AHNAK: variants seen among roughly 807,000 people sequenced by gnomAD.
AHNAK encodes neuroblast differentiation-associated protein AHNAK.
AHNAK carries 23 observed loss-of-function variants against 37.8 expected under a neutral mutation model. The observed-to-expected ratio is 0.61, with a 90% confidence interval of 0.44 to 0.86. The LOEUF (loss-of-function observed/expected upper bound fraction) is 0.86. Ranked by LOEUF, AHNAK falls within the 40% of genes least tolerant of loss-of-function variation. The pLI is 0.00. For synonymous variants in AHNAK, 2,481 were observed against 2,636.3 expected (o/e 0.94, Z 1.80); for missense variants, 7,411 against 7,319.4 (o/e 1.01, Z -0.46).
rs1253028896 is a variant in AHNAK, at chr11:62,525,784, A to G, written c.8633T>C (p.Ile2878Thr). 1 of 1,613,424 alleles carries G rather than the reference A, an allele frequency of 6.2e-7. No individual in the cohort carries two copies. The highest frequency in any genetic ancestry group is 2.2e-5 in the East Asian group (1 of 44,828). Residue 2878 changes from isoleucine (I) to threonine (T), a missense_variant, in exon 5 of 5, where the codon ATT becomes ACT. Transcript: ENST00000378024. ...CTGAACATTAACATCTGGGACATCA[A>G]TGTCCACTTTGGGGCCTTTGAGGTC... The part of the protein sequence containing the change: ...EVDLKGPKVD[I>T]DVPDVNVQGP...
At chr11:62,455,715 A>C (rs1459266077) in intron 5 of AHNAK, among the ~76,000 whole-genome samples, 2 of 151,788 alleles carry the variant, frequency 1.3e-5, no homozygotes, top group Non-Finnish European at 2.9e-5. Context: ...CAAAAGAAAA[A>C]TTAGCTGGGC....
chr11:62,521,446 A>T lies in AHNAK; in HGVS notation c.12971T>A (p.Phe4324Tyr), dbSNP rs778173261. Reference sequence around the variant, plus strand: ...CTCTCCTTTGAATCCTGGCATGCTGAATTTGGGCATTTTCACCTTGGGCAT... The same window carrying T: ...CTCTCCTTTGAATCCTGGCATGCTGTATTTGGGCATTTTCACCTTGGGCAT... The part of the protein sequence containing the change: ...LKMPKVKMPK[F>Y]SMPGFKGEGP... Residue 4324 changes from phenylalanine (F) to tyrosine (Y), a missense_variant, in exon 5 of 5, where the codon TTC becomes TAC. Physicochemically the swap from Phe to Tyr is conservative, Grantham distance 22 (BLOSUM62 3). Transcript: ENST00000378024. 1.2e-6 allele frequency: 2 copies of T among 1,613,180 alleles called. No individual in the cohort carries two copies. The highest frequency in any genetic ancestry group is 1.7e-6 in the Non-Finnish European group (2 of 1,179,814).
rs1167667214 is a variant in AHNAK, at chr11:62,529,162, G to A, written c.5255C>T (p.Ala1752Val). ...DVSGPSVDTD[A>V]PDLDIEGPEG... ...TGGTCCCTCAATATCCAAATCAGGA[G>A]CATCAGTGTCCACACTGGGTCCAGA... The change falls in exon 5 of 5, where the codon GCT (alanine) becomes GTT (valine). Residue 1752 changes from alanine (A) to valine (V), a missense_variant. Ala to Val is a moderately conservative substitution (Grantham distance 64). Transcript: ENST00000378024. 1.2e-6 allele frequency: 2 copies of A among 1,614,054 alleles called. No individual in the cohort carries two copies. The highest frequency in any genetic ancestry group is 4.5e-5 in the East Asian group (2 of 44,870).
chr11:62,487,235 G>T (rs142540956), intron 5 of AHNAK, among the ~76,000 whole-genome samples: 1 of 152,338 alleles, frequency 6.6e-6, no homozygotes, highest in Non-Finnish European at 1.5e-5. Flanking sequence ...CCAGGCAATA[G>T]TTCGCTTTAT....
At chr11:62,500,441 C>A (rs933287112) in intron 4 of AHNAK, among the ~76,000 whole-genome samples, 2 of 152,134 alleles carry the variant, frequency 1.3e-5, no homozygotes, top group African/African-American at 2.4e-5. Context: ...CTGATTGGCC[C>A]AGAGAGTCAT....
chr11:62,534,091 C>A lies in AHNAK; in HGVS notation c.343-17G>T, dbSNP rs375093270. On this transcript the variant is annotated splice_polypyrimidine_tract_variant and intron_variant, in intron 4 of 4. Transcript: ENST00000378024. ...ATCCCCGCTCTGCAGAAAGACACGC[C>A]GGGCAGAGGTTGCAGCAGAGTCTGC... is the stretch of plus-strand genomic sequence containing the variant. The A allele has an allele frequency of 1.4e-5, 21 of 1,522,542 alleles. No homozygotes were observed. The African/African-American group carries it at 2.2e-4, about 16-fold the overall frequency. The allele number at this position is 1,522,542 out of a possible 1,614,324, so 94.3% of individuals were successfully genotyped here. A position where few individuals can be genotyped will look rare whatever the true frequency, so the allele number is the denominator to read the frequency against.
At chr11:62,475,045 G>A (rs1191434165) in intron 5 of AHNAK, among the ~76,000 whole-genome samples, 5 of 152,184 alleles carry the variant, frequency 3.3e-5, no homozygotes, top group East Asian at 1.9e-4. Flanking sequence ...GCTCACGCCC[G>A]TAATCCCAAC....
In AHNAK at chr11:62,449,451, C is replaced by T. The variant is rs188247103; in HGVS notation, c.443-15560G>A. Among the ~76,000 whole-genome samples the T allele has an allele frequency of 2.3e-4, 35 of 152,314 alleles. No homozygotes were observed. The East Asian group carries it at 6.4e-3, about 28-fold the overall frequency. On this transcript the variant is annotated intron_variant, in intron 5 of 5. Transcript: ENST00000257247. ...GAGCCAGCTGTGGGGCAACACCAGG[C>T]GGGATCAGGGTCACCCAGGCCTGAG...
intron 5 of AHNAK, among the ~76,000 whole-genome samples, chr11:62,451,956 C>T (rs910634464): frequency 4.0e-5 from 6 of 151,320 alleles, no homozygotes; most frequent in South Asian, 2.1e-4. Flanking sequence ...TACAGGCACC[C>T]GCCACCAAGC....
chr11:62,436,250 G>C (rs1162658269), intron 5 of AHNAK, among the ~76,000 whole-genome samples: 3 of 152,178 alleles, frequency 2.0e-5, no homozygotes, highest in Admixed American at 6.5e-5. Flanking sequence ...GAAGGTGGGG[G>C]AACTTGGGGT....
In AHNAK at chr11:62,494,914, C is replaced by T. The variant is rs569000057; in HGVS notation, c.343-3083G>A. Among the ~76,000 whole-genome samples the T allele has an allele frequency of 4.0e-5, 6 of 150,994 alleles. No homozygotes were observed. In the South Asian group the frequency reaches 8.3e-4, roughly 21 times the overall value. On this transcript the variant is annotated intron_variant, in intron 4 of 5. Coordinates refer to the AHNAK transcript ENST00000257247. ...ACTCAGGAGGCTGAGGCACGAGAAT[C>T]GCTTGAACCCAGAAGGCGGAGGTTG...
At chr11:62,477,480 G>C (rs998939401) in intron 5 of AHNAK, among the ~76,000 whole-genome samples, 1 of 152,148 alleles carries the variant, frequency 6.6e-6, no homozygotes, top group African/African-American at 2.4e-5. Context: ...TACCTATGTA[G>C]CAAACATTCA....
At chr11:62,499,757 T>TG (rs1363201345) in intron 4 of AHNAK, among the ~76,000 whole-genome samples, 2 of 152,140 alleles carry the variant, frequency 1.3e-5, no homozygotes, top group Non-Finnish European at 2.9e-5. Context: ...TGATGATGGC[T>TG]GAGAGTGCAG....
Position 62,524,843 on chromosome 11 carries a change from C to G in AHNAK, c.9574G>C (p.Asp3192His). 1 of 1,614,160 alleles carries G rather than the reference C, an allele frequency of 6.2e-7. No homozygotes were observed. Among genetic ancestry groups the G allele is most frequent in the Non-Finnish European group, 8.5e-7 (1 of 1,180,028 alleles). ...GCATCTGGACCTTCAATATTCACATCTGGAACATCAACGTCCACCTTGGGT... is the reference window on the plus strand; with the variant it reads ...GCATCTGGACCTTCAATATTCACATGTGGAACATCAACGTCCACCTTGGGT... ...SGPKVDVDVP[D>H]VNIEGPDAKL... Residue 3192 changes from aspartate to histidine, a missense_variant, in exon 5 of 5, where the codon GAT (aspartate) becomes CAT (histidine). Coordinates refer to ENST00000378024, the MANE Select transcript of AHNAK (RefSeq NM_001620.3).
Position 62,529,948 on chromosome 11 carries a change from G to A in AHNAK, c.4469C>T (p.Pro1490Leu), listed in dbSNP as rs751611850. 2.2e-5 allele frequency: 36 copies of A among 1,612,808 alleles called. No individual in the cohort carries two copies. Among genetic ancestry groups the A allele is most frequent in the Admixed American group, 3.3e-5 (2 of 59,826 alleles). Residue 1490 changes from proline (P) to leucine (L), a missense_variant, in exon 5 of 5, where the codon CCC becomes CTC. Pro to Leu is a moderately conservative substitution (Grantham distance 98). Coordinates refer to ENST00000378024, the MANE Select transcript of AHNAK (RefSeq NM_001620.3). ...IKAPDVDIKG[P>L]KVDINAPDVE... is the part of the protein sequence containing the mutation. Reference sequence around the variant, plus strand: ...ATCTGGTGCATTAATATCAACTTTGGGGCCTTTGATGTCAACATCAGGAGC... The same window carrying A: ...ATCTGGTGCATTAATATCAACTTTGAGGCCTTTGATGTCAACATCAGGAGC...
At position 62,523,916 on chromosome 11, in the gene AHNAK, C is replaced by T. The variant is rs111670332; in HGVS notation, c.10501G>A (p.Gly3501Arg). ...CTTGGGCCCTCTATGTTGATGTCTC[C>T]TTTTGGTAGATCCACAGCTACATCT... ...GPDVAVDLPK[G>R]DINIEGPSMN... is the part of the protein sequence containing the mutation. The change falls in exon 5 of 5, where the codon GGA becomes AGA. Residue 3501 changes from glycine to arginine, a missense_variant. Transcript: ENST00000378024. The T allele has an allele frequency of 2.0e-5, 33 of 1,614,102 alleles. No homozygotes were observed. The African/African-American group carries it at 2.5e-4, about 12-fold the overall frequency.
chr11:62,534,910 G>A (rs1431745354), intron 4 of AHNAK, 93 bp downstream of exon 4: 6 of 1,335,362 alleles, frequency 4.5e-6, no homozygotes, highest in Admixed American at 4.3e-5. Flanking sequence ...AAAAAGAGAG[G>A]GTCCGGAGGC....
At position 62,526,957 on chromosome 11, in the gene AHNAK, A is replaced by T; in HGVS notation, c.7460T>A (p.Met2487Lys). Residue 2487 changes from methionine to lysine, a missense_variant, in exon 5 of 5, where the codon ATG (methionine) becomes AAG (lysine). Coordinates refer to ENST00000378024, the MANE Select transcript of AHNAK (RefSeq NM_001620.3). ...ATCAACTTTGGGGCCCCTGATGTTC[A>T]TATCTGGTACTTCAAGTTTACCTTC... ...EVEGKLEVPD[M>K]NIRGPKVDVN... 6.2e-7 allele frequency: 1 copy of T among 1,614,178 alleles called. No homozygotes were observed. The highest frequency in any genetic ancestry group is 8.5e-7 in the Non-Finnish European group (1 of 1,180,016).
Position 62,473,981 on chromosome 11 carries a change from C to T in AHNAK, c.442+17751G>A, listed in dbSNP as rs143951423. The stretch of plus-strand genomic sequence containing the variant: ...AACCACTACACTCCAGCCTGGATGA[C>T]AGAGTGATACCCTGTCTCAAAAAAA... On this transcript the variant is annotated intron_variant, in intron 5 of 5. Transcript: ENST00000257247. Among the ~76,000 whole-genome samples the T allele has an allele frequency of 5.4e-3, 816 of 150,638 alleles. 11 individuals carry two copies. Among genetic ancestry groups the T allele is most frequent in the African/African-American group, 0.019 (777 of 40,964 alleles).
Sources: gnomAD v4.1 joint callset for allele counts (sites outside exome capture counted in the v4.1 genomes callset) on GRCh38, gnomAD v4.1.1 for gene constraint, MANE v1.5 for transcripts, NCBI Gene and HGNC (gene_info 2026-07-23, HGNC 2026-07-21) for gene names.